Variants in RGL1 observed in about 807,000 individuals in gnomAD.
RGL1 encodes the protein ral guanine nucleotide dissociation stimulator like 1.
RGL1 carries 24 observed loss-of-function variants against 95.2 expected under a neutral mutation model. The ratio of observed to expected loss-of-function variants is 0.25; its 90% CI spans 0.18 to 0.35. The LOEUF (loss-of-function observed/expected upper bound fraction) is 0.35. RGL1 is among the 10% of genes least tolerant of loss of function. The pLI, the probability that RGL1 is intolerant of heterozygous loss-of-function variation, is 1.00. For synonymous variants in RGL1, 329 were observed against 344.9 expected, an observed-to-expected ratio of 0.95 and a Z score of 0.51; for missense variants, 715 against 936.3, an observed-to-expected ratio of 0.76 and a Z score of 3.08.
intron 4 of RGL1, among the ~76,000 whole-genome samples, chr1:183,873,967 C>T: frequency 6.6e-6 from 1 of 152,120 alleles, no homozygotes; most frequent in South Asian, 2.1e-4. Flanking sequence ...CTATAGAAGG[C>T]CTTAGCCATT....
At chr1:183,792,327 G>A (rs1236931214) in intron 2 of RGL1, among the ~76,000 whole-genome samples, 1 of 151,988 alleles carries the variant, frequency 6.6e-6, no homozygotes, top group African/African-American at 2.4e-5. Context: ...TAATTATTTG[G>A]TGTGTACATT....
At chr1:183,745,134 C>CATCT (rs1263288414) in intron 2 of RGL1, among the ~76,000 whole-genome samples, 6 of 152,254 alleles carry the variant, frequency 3.9e-5, no homozygotes, top group Non-Finnish European at 7.4e-5. Context: ...TGGCATTGAG[C>CATCT]ATCTGTTCAC....
chr1:183,904,482 T>C (rs1183260149), intron 12 of RGL1, among the ~76,000 whole-genome samples: 2 of 152,154 alleles, frequency 1.3e-5, no homozygotes. Flanking sequence ...TATGAAGTAC[T>C]TAAAACCTTA....
At chr1:183,760,486 C>T (rs1051722328) in intron 2 of RGL1, among the ~76,000 whole-genome samples, 4 of 143,508 alleles carry the variant, frequency 2.8e-5, no homozygotes, top group African/African-American at 1.0e-4. Flanking sequence ...CATCCCAGCG[C>T]TGTGGGAGGC....
chr1:183,705,582 C>G lies in RGL1; in HGVS notation c.-32-36544C>G, dbSNP rs192281455. Among the ~76,000 whole-genome samples, 1,160 of 152,106 alleles carry G rather than the reference C, an allele frequency of 7.6e-3. 13 individuals carry two copies. Among genetic ancestry groups the G allele is most frequent in the Admixed American group, 0.013 (193 of 15,284 alleles). On this transcript the variant is annotated intron_variant, in intron 1 of 18. Transcript: ENST00000304685. The stretch of plus-strand genomic sequence containing the variant: ...GTAAGCTGATGTGAAAGGTGGGTGT[C>G]GGGGTTTTCCCATGTAAAGACAAAG...
rs114958181 is a variant in RGL1 at position 183,854,017 on chromosome 1, G to T, written c.347+6243G>T. Among the ~76,000 whole-genome samples the T allele has an allele frequency of 6.7e-3, 1,018 of 152,316 alleles. 5 individuals carry two copies. Among genetic ancestry groups the T allele is most frequent in the Middle Eastern group, 0.01 (3 of 294 alleles). Reference sequence around the variant, plus strand: ...AGCTCTTTAATGTGTACTATGTACTGTACAAGATGCTGTGTGTATAATGGT... The same window carrying T: ...AGCTCTTTAATGTGTACTATGTACTTTACAAGATGCTGTGTGTATAATGGT... On this transcript the variant is annotated intron_variant, in intron 3 of 17. Coordinates refer to ENST00000360851, the MANE Select transcript of RGL1 (RefSeq NM_001297671.3).
At chr1:183,785,983 C>T (rs1218550882) in intron 2 of RGL1, among the ~76,000 whole-genome samples, 1 of 151,734 alleles carries the variant, frequency 6.6e-6, no homozygotes, top group African/African-American at 2.4e-5. Flanking sequence ...GAGGTTAAGG[C>T]AGGAGGATCG....
chr1:183,773,069 A>C (rs1006200385), intron 2 of RGL1, among the ~76,000 whole-genome samples: 11 of 150,136 alleles, frequency 7.3e-5, no homozygotes, highest in African/African-American at 2.7e-4. Flanking sequence ...GATATCTATA[A>C]TCCCAATGCC....
intron 1 of RGL1, among the ~76,000 whole-genome samples, chr1:183,702,724 C>T (rs547959186): frequency 1.3e-5 from 2 of 152,326 alleles, no homozygotes; most frequent in South Asian, 2.1e-4. Flanking sequence ...GCTGGACCAA[C>T]TGACAGGGGA....
At chr1:183,684,446 G>A (rs1346705689) in intron 1 of RGL1, among the ~76,000 whole-genome samples, 1 of 152,046 alleles carries the variant, frequency 6.6e-6, no homozygotes, top group Non-Finnish European at 1.5e-5. Flanking sequence ...CTTCCACCAA[G>A]CTCGAGCGTC....
rs901388122 is a variant in RGL1, at chr1:183,847,865, C to T, written c.347+91C>T. The T allele has an allele frequency of 1.7e-4, 152 of 918,698 alleles. 1 individual carries two copies. The highest frequency in any genetic ancestry group is 6.1e-5 in the South Asian group (4 of 65,572). The allele number at this position is 918,698 out of a possible 1,614,324, so 56.9% of individuals were successfully genotyped here. ...TTCTGAATCACCTGCACTTGGTATT[C>T]GGAGAGAGATATGTGAGGAAAGATT... On this transcript the variant is annotated intron_variant, in intron 3 of 17. Transcript: ENST00000360851.
At chr1:183,844,669 T>C (rs1664298313) in intron 2 of RGL1, among the ~76,000 whole-genome samples, 1 of 152,220 alleles carries the variant, frequency 6.6e-6, no homozygotes, top group Non-Finnish European at 1.5e-5. Context: ...TCTTTTTCAC[T>C]TATTGTTTCT....
At chr1:183,818,590 T>TAA (rs5779187) in intron 2 of RGL1, among the ~76,000 whole-genome samples, 2 of 151,792 alleles carry the variant, frequency 1.3e-5, no homozygotes, top group Non-Finnish European at 2.9e-5. Flanking sequence ...ATCACACTAT[T>TAA]AAAAAAAATG....
At chr1:183,716,144 C>T (rs1426280651) in intron 1 of RGL1, among the ~76,000 whole-genome samples, 1 of 152,128 alleles carries the variant, frequency 6.6e-6, no homozygotes, top group East Asian at 1.9e-4. Flanking sequence ...ACCACATTGC[C>T]CAGCCAAGTT....
At chr1:183,817,923 G>C (rs879580084) in intron 2 of RGL1, among the ~76,000 whole-genome samples, 14 of 152,184 alleles carry the variant, frequency 9.2e-5, no homozygotes, top group Non-Finnish European at 1.5e-4. Flanking sequence ...CTGCTGTTTT[G>C]TTCCCACAGA....
At chr1:183,861,705 G>A (rs1182291527) in intron 3 of RGL1, among the ~76,000 whole-genome samples, 2 of 152,236 alleles carry the variant, frequency 1.3e-5, no homozygotes, top group Non-Finnish European at 2.9e-5. Context: ...TCATTGGTAA[G>A]CCTTCTTAAG....
chr1:183,661,932 G>T (rs989742231), intron 1 of RGL1, among the ~76,000 whole-genome samples: 2 of 150,044 alleles, frequency 1.3e-5, no homozygotes, highest in African/African-American at 5.0e-5. Flanking sequence ...ATGTAATCCA[G>T]CATATAAACA....
intron 2 of RGL1, among the ~76,000 whole-genome samples, chr1:183,836,488 C>T (rs1219699574): frequency 6.6e-6 from 1 of 151,610 alleles, no homozygotes; most frequent in Non-Finnish European, 1.5e-5. Flanking sequence ...AGGATGATCT[C>T]GAACTCCTGA....
intron 1 of RGL1, among the ~76,000 whole-genome samples, chr1:183,657,705 G>A (rs1015828556): frequency 6.6e-6 from 1 of 150,920 alleles, no homozygotes; most frequent in Non-Finnish European, 1.5e-5. Context: ...GGACATTTGG[G>A]TTGGTTCCAA....
Sources: allele counts gnomAD v4.1 joint callset (sites outside exome capture counted in the v4.1 genomes callset), GRCh38; gene constraint gnomAD v4.1.1; transcripts MANE v1.5; gene names NCBI Gene and HGNC (gene_info 2026-07-23, HGNC 2026-07-21).